The following ADAMTSL1 variants were observed in gnomAD, a reference collection of about 807,000 sequenced individuals.
ADAMTSL1 encodes the protein ADAMTS-like protein 1.
Under a neutral mutation model 201.8 loss-of-function variants are expected in ADAMTSL1, and 126 were observed. The ratio of observed to expected loss-of-function variants is 0.62; its 90% CI spans 0.54 to 0.72. The LOEUF (loss-of-function observed/expected upper bound fraction) is 0.72, where lower values mean the gene tolerates loss of function less well. Ranked by LOEUF, ADAMTSL1 falls within the 30% of genes least tolerant of loss-of-function variation. The probability of loss-of-function intolerance (pLI) is 0.00; values close to 1 mark genes in which losing one functional copy is unlikely to be tolerated. For synonymous variants in ADAMTSL1, 1,121 were observed against 903.4 expected, an observed-to-expected ratio of 1.24 and a Z score of -4.32; for missense variants, 2,679 against 2,277.8, an observed-to-expected ratio of 1.18 and a Z score of -3.59.
intron 2 of ADAMTSL1, among the ~76,000 whole-genome samples, chr9:18,310,399 A>AAAAAAAAT (rs1440483712): frequency 7.9e-6 from 1 of 127,324 alleles, no homozygotes; most frequent in African/African-American, 2.8e-5. Context: ...AAAAAAAAAA[A>AAAAAAAAT]CTATCTTCAG....
chr9:18,779,838 C>G (rs915888356), intron 19 of ADAMTSL1, among the ~76,000 whole-genome samples: 2 of 152,190 alleles, frequency 1.3e-5, no homozygotes, highest in Admixed American at 1.3e-4. Flanking sequence ...ATGCCCTCTC[C>G]TCTACCAGCC....
intron 23 of ADAMTSL1, among the ~76,000 whole-genome samples, chr9:18,846,618 G>T (rs566079400): frequency 6.6e-6 from 1 of 152,148 alleles, no homozygotes; most frequent in Non-Finnish European, 1.5e-5. Context: ...TCTAACTTGC[G>T]TTTTTAAAAG....
At chr9:18,831,344 T>C (rs745931867) in intron 23 of ADAMTSL1, among the ~76,000 whole-genome samples, 9 of 152,232 alleles carry the variant, frequency 5.9e-5, no homozygotes, top group Admixed American at 2.0e-4. Context: ...AAATGTGCGT[T>C]GTGAACTTCT....
chr9:18,885,797 G>T (rs1828812183), intron 23 of ADAMTSL1, among the ~76,000 whole-genome samples: 1 of 151,990 alleles, frequency 6.6e-6, no homozygotes, highest in South Asian at 2.1e-4. Flanking sequence ...AGGTAGCAAG[G>T]TGCCCAGCTG....
intron 10 of ADAMTSL1, among the ~76,000 whole-genome samples, chr9:18,677,294 C>T (rs117490287): frequency 0.027 from 4,034 of 151,984 alleles, 71 homozygotes; most frequent in Middle Eastern, 0.048. Context: ...CAATAAATAG[C>T]TTTAGAATGT....
Position 18,736,290 on chromosome 9 carries a change from A to T in ADAMTSL1, c.2006+14625A>T, listed in dbSNP as rs1588014942. Among the ~76,000 whole-genome samples the T allele has an allele frequency of 2.6e-5, 4 of 152,242 alleles. No homozygotes were observed. In the South Asian group the frequency reaches 8.3e-4, roughly 32 times the overall value. ...AGGCCATTTGTTCGCAAGTGAGGGGAGACAAGTGAGTAAGATGACAGTTTG... is the reference window on the plus strand; with the variant it reads ...AGGCCATTTGTTCGCAAGTGAGGGGTGACAAGTGAGTAAGATGACAGTTTG... On this transcript the variant is annotated intron_variant, in intron 15 of 28. Coordinates refer to ENST00000380548, the MANE Select transcript of ADAMTSL1 (RefSeq NM_001040272.6).
intron 1 of ADAMTSL1, among the ~76,000 whole-genome samples, chr9:18,478,606 G>C (rs1048251142): frequency 6.6e-6 from 1 of 152,066 alleles, no homozygotes; most frequent in South Asian, 2.1e-4. Flanking sequence ...GGAATGACAC[G>C]CTCTCAGGTC....
chr9:18,114,762 A>C (rs79854441), intron 1 of ADAMTSL1, among the ~76,000 whole-genome samples: 4,092 of 152,266 alleles, frequency 0.027, 61 homozygotes, highest in Middle Eastern at 0.044. Flanking sequence ...TCAAGCTTAG[A>C]GTGTAAGTGG....
chr9:18,742,015 T>A (rs183756355), intron 15 of ADAMTSL1, among the ~76,000 whole-genome samples: 56 of 152,294 alleles, frequency 3.7e-4, no homozygotes, highest in Middle Eastern at 3.4e-3. Context: ...CTAAGTAGAG[T>A]GCTACAGCAT....
intron 2 of ADAMTSL1, among the ~76,000 whole-genome samples, chr9:18,361,755 A>G (rs987319992): frequency 1.3e-5 from 2 of 152,184 alleles, no homozygotes; most frequent in African/African-American, 4.8e-5. Flanking sequence ...AAATCTCCGG[A>G]GACTTTGTAG....
At chr9:18,149,216 A>G (rs140424521) in intron 1 of ADAMTSL1, among the ~76,000 whole-genome samples, 3 of 152,122 alleles carry the variant, frequency 2.0e-5, no homozygotes, top group African/African-American at 7.2e-5. Flanking sequence ...TTACCGAGAT[A>G]ATGTTGAGTA....
chr9:18,302,419 G>C (rs1163518006), intron 2 of ADAMTSL1, among the ~76,000 whole-genome samples: 1 of 152,280 alleles, frequency 6.6e-6, no homozygotes, highest in African/African-American at 2.4e-5. Flanking sequence ...GTTGAGTGCT[G>C]TTGCATACTA....
chr9:18,723,011 T>C (rs1362225141), intron 15 of ADAMTSL1: 1 of 779,484 alleles, frequency 1.3e-6, no homozygotes, highest in South Asian at 1.3e-5. Flanking sequence ...TCCTGTCATC[T>C]AGGAAGAAGC....
chr9:18,161,943 C>T (rs934291150), intron 1 of ADAMTSL1, among the ~76,000 whole-genome samples: 11 of 152,014 alleles, frequency 7.2e-5, no homozygotes, highest in Non-Finnish European at 1.3e-4. Flanking sequence ...AACAAGATAA[C>T]CTCATTGTGC....
chr9:18,138,119 G>C (rs933564800), intron 1 of ADAMTSL1, among the ~76,000 whole-genome samples: 3 of 152,074 alleles, frequency 2.0e-5, no homozygotes, highest in African/African-American at 7.2e-5. Flanking sequence ...AACCTCCTGA[G>C]ACTCGTTTCC....
chr9:18,746,526 G>C (rs938614785), intron 15 of ADAMTSL1, among the ~76,000 whole-genome samples: 3 of 152,176 alleles, frequency 2.0e-5, no homozygotes, highest in Admixed American at 6.5e-5. Context: ...AATAACTTCA[G>C]TTTGCTCCTA....
chr9:18,458,606 T>A (rs1820695892), intron 2 of ADAMTSL1, among the ~76,000 whole-genome samples: 1 of 152,178 alleles, frequency 6.6e-6, no homozygotes, highest in Non-Finnish European at 1.5e-5. Flanking sequence ...TTAGCTTATT[T>A]CACTAGATTT....
chr9:18,257,631 A>G (rs552315802), intron 2 of ADAMTSL1, among the ~76,000 whole-genome samples: 2 of 152,332 alleles, frequency 1.3e-5, no homozygotes, highest in African/African-American at 4.8e-5. Flanking sequence ...CAGCTTCTCA[A>G]AAAGTTAAGC....
chr9:18,503,352 T>G (rs1822940565), intron 1 of ADAMTSL1, among the ~76,000 whole-genome samples: 1 of 151,128 alleles, frequency 6.6e-6, no homozygotes, highest in Admixed American at 6.6e-5. Context: ...GTCATGTCTT[T>G]AAGTTTCATT....
Sources: allele counts gnomAD v4.1 joint callset (sites outside exome capture counted in the v4.1 genomes callset), GRCh38; gene constraint gnomAD v4.1.1; transcripts MANE v1.5; gene names NCBI Gene and HGNC (gene_info 2026-07-23, HGNC 2026-07-21).